USP12: variants seen among roughly 807,000 people sequenced by gnomAD.
The protein encoded by USP12 is ubiquitin carboxyl-terminal hydrolase 12.
Under a neutral mutation model 45.5 loss-of-function variants are expected in USP12, and 19 were observed. The ratio of observed to expected loss-of-function variants is 0.42; its 90% CI spans 0.29 to 0.61. The LOEUF is 0.61. Ranked by LOEUF, USP12 falls within the 20% of genes least tolerant of loss-of-function variation. The pLI is 0.22. For synonymous variants in USP12, 149 were observed against 148.8 expected (o/e 1.00, Z -0.01); for missense variants, 242 against 447.7 (o/e 0.54, Z 4.15).
chr13:27,167,247 A>C (rs1306227755), intron 1 of USP12, among the ~76,000 whole-genome samples: 1 of 151,946 alleles, frequency 6.6e-6, no homozygotes, highest in Non-Finnish European at 1.5e-5. Context: ...GGGCAACAAG[A>C]GTGAAACTCC....
chr13:27,158,219 C>T (rs144766540), intron 1 of USP12, among the ~76,000 whole-genome samples: 44 of 152,130 alleles, frequency 2.9e-4, no homozygotes, highest in African/African-American at 9.2e-4. Flanking sequence ...AGAAGGAAGA[C>T]AAAATGGAGA....
At chr13:27,117,628 T>TGTGTG in intron 1 of USP12, 76 of 350,136 alleles carry the variant, frequency 2.2e-4, no homozygotes, top group Middle Eastern at 4.2e-4. Flanking sequence ...TGTGTGTGTG[T>TGTGTG]TTAATAGCAC....
At chr13:27,107,197 T>C (rs1376935367) in intron 2 of USP12, among the ~76,000 whole-genome samples, 2 of 152,128 alleles carry the variant, frequency 1.3e-5, no homozygotes, top group Admixed American at 6.6e-5. Context: ...TGATGACACA[T>C]GCCTGTGATT....
intron 8 of USP12, 31 bp downstream of exon 8, chr13:27,071,040 T>C: frequency 6.4e-7 from 1 of 1,572,582 alleles, no homozygotes. Flanking sequence ...GCATACAACT[T>C]TCAAAAATAA....
intron 1 of USP12, chr13:27,162,910 C>T (rs1878173804): frequency 6.6e-6 from 1 of 152,132 alleles, no homozygotes; most frequent in Non-Finnish European, 1.5e-5. Context: ...CAAGAAAATT[C>T]ACTCCCTGTG....
intron 1 of USP12, among the ~76,000 whole-genome samples, chr13:27,140,223 T>C (rs1876995997): frequency 6.6e-6 from 1 of 152,186 alleles, no homozygotes; most frequent in African/African-American, 2.4e-5. Flanking sequence ...AAAGATGTTG[T>C]GTAGTGACTG....
At chr13:27,117,413 A>C (rs974290609) in intron 1 of USP12, among the ~76,000 whole-genome samples, 1 of 152,184 alleles carries the variant, frequency 6.6e-6, no homozygotes, top group African/African-American at 2.4e-5. Context: ...GTTGACAAGA[A>C]TGTTTACTGC....
intron 6 of USP12, among the ~76,000 whole-genome samples, chr13:27,080,816 T>C (rs1873718197): frequency 6.6e-6 from 1 of 152,190 alleles, no homozygotes; most frequent in Admixed American, 6.5e-5. Flanking sequence ...TACTATACTG[T>C]AGTGTATTAT....
At chr13:27,109,135 T>G (rs1478662219) in intron 2 of USP12, among the ~76,000 whole-genome samples, 1 of 152,192 alleles carries the variant, frequency 6.6e-6, no homozygotes, top group Admixed American at 6.5e-5. Flanking sequence ...TTTCTGTTTA[T>G]AAAATAAGTC....
chr13:27,165,551 A>T (rs992360336), intron 1 of USP12, among the ~76,000 whole-genome samples: 2 of 152,194 alleles, frequency 1.3e-5, no homozygotes, highest in Non-Finnish European at 2.9e-5. Flanking sequence ...GCCAGGTACT[A>T]GTCAACAACC....
chr13:27,161,002 C>T (rs1878083179), intron 1 of USP12, among the ~76,000 whole-genome samples: 1 of 152,140 alleles, frequency 6.6e-6, no homozygotes, highest in Non-Finnish European at 1.5e-5. Context: ...AAAGCGTCAT[C>T]TTTCAAGGCC....
chr13:27,138,093 ACT>A (rs1876889958), intron 1 of USP12, among the ~76,000 whole-genome samples: 1 of 152,254 alleles, frequency 6.6e-6, no homozygotes, highest in Non-Finnish European at 1.5e-5. Context: ...TGGCCAGCAC[ACT>A]GAGTACAGCC....
intron 1 of USP12, among the ~76,000 whole-genome samples, chr13:27,125,175 T>C (rs553902095): frequency 6.6e-5 from 10 of 152,326 alleles, no homozygotes; most frequent in South Asian, 4.1e-4. Flanking sequence ...TATGTAAGTA[T>C]GTATGTATGT....
intron 2 of USP12, among the ~76,000 whole-genome samples, chr13:27,112,456 T>C (rs1019642604): frequency 5.0e-5 from 6 of 121,152 alleles, no homozygotes; most frequent in African/African-American, 1.5e-4. Flanking sequence ...GCTCCCAGCA[T>C]TTTTTTTTTT....
chr13:27,166,969 G>A (rs887297965), intron 1 of USP12, among the ~76,000 whole-genome samples: 1 of 152,124 alleles, frequency 6.6e-6, no homozygotes. Context: ...TGATGATAAT[G>A]ATAACATGAT....
At chr13:27,107,226 G>A (rs1875184616) in intron 2 of USP12, among the ~76,000 whole-genome samples, 1 of 152,188 alleles carries the variant, frequency 6.6e-6, no homozygotes, top group African/African-American at 2.4e-5. Flanking sequence ...TCAGGAGGCT[G>A]AGGTATGAGA....
chr13:27,115,664 C>G (rs1162949548), intron 2 of USP12, among the ~76,000 whole-genome samples: 3 of 152,204 alleles, frequency 2.0e-5, no homozygotes, highest in African/African-American at 7.2e-5. Flanking sequence ...AGGTAACATT[C>G]AGGTAAAACT....
intron 6 of USP12, 44 bp from the exon 7 acceptor site, chr13:27,075,432 C>A: frequency 1.3e-6 from 2 of 1,516,538 alleles, no homozygotes; most frequent in East Asian, 2.3e-5. Context: ...AAAAGATATC[C>A]ACCATGTCCT....
intron 1 of USP12, among the ~76,000 whole-genome samples, chr13:27,167,876 G>A (rs1430378295): frequency 6.6e-6 from 1 of 151,978 alleles, no homozygotes; most frequent in Non-Finnish European, 1.5e-5. Context: ...AAATTGCACT[G>A]ACCACACATA....
Sources: allele counts gnomAD v4.1 joint callset (sites outside exome capture counted in the v4.1 genomes callset), GRCh38; gene constraint gnomAD v4.1.1; transcripts MANE v1.5; gene names NCBI Gene and HGNC (gene_info 2026-07-23, HGNC 2026-07-21).